Variants in SRSF9 observed in about 807,000 individuals in gnomAD.
The protein encoded by SRSF9 is serine and arginine rich splicing factor 9.
In SRSF9, 3 loss-of-function variants were observed where a neutral mutation model predicts 25.9. The observed-to-expected ratio is 0.12, with a 90% CI of 0.05 to 0.30. The LOEUF (loss-of-function observed/expected upper bound fraction) is 0.30, where lower values mean the gene tolerates loss of function less well. Ranked by LOEUF, SRSF9 falls within the 10% of genes least tolerant of loss-of-function variation. The pLI is 1.00. For synonymous variants in SRSF9, 114 were observed against 113.2 expected (o/e 1.01, Z -0.05); for missense variants, 161 against 303.5 (o/e 0.53, Z 3.49).
At position 120,469,696 on chromosome 12, in the gene SRSF9, T is replaced by G. The variant is rs562246067; in HGVS notation, c.-87A>C. On this transcript the variant is annotated 5_prime_UTR_variant, in exon 1 of 4. Coordinates refer to ENST00000229390, the MANE Select transcript of SRSF9 (RefSeq NM_003769.3). ...GTCCCCCCGCAGCGTCCCCGCGGGC[T>G]CCGAGGCGCTCAGCCGCACTGCATT... is the stretch of plus-strand genomic sequence containing the variant. 1.1e-5 allele frequency: 9 copies of G among 856,422 alleles called. No homozygotes were observed. The highest frequency in any genetic ancestry group is 1.8e-5 in the African/African-American group (1 of 55,618). 53.1% of individuals were successfully genotyped at this position (856,422 alleles called of 1,614,324 possible).
chr12:120,465,784 A>C lies in SRSF9; in HGVS notation c.192T>G (p.Asp64Glu). The change falls in exon 2 of 4, where the codon GAT becomes GAG. Residue 64 changes from aspartate to glutamate, a missense_variant. Physicochemically the swap from Asp to Glu is conservative, Grantham distance 45 (BLOSUM62 2). This residue lies in a region of SRSF9 where 99 missense variants were observed against 156.7 expected (regional missense o/e 0.63). Coordinates refer to ENST00000229390, the MANE Select transcript of SRSF9 (RefSeq NM_003769.3). ...FAFVRFEDPR[D>E]AEDAIYGRNG... ...TTCTTCCATAAATAGCATCCTCTGC[A>C]TCTCTAAAAAAAACAACAACAACAA... 2 of 1,573,330 alleles carry C rather than the reference A, an allele frequency of 1.3e-6. No individual in the cohort carries two copies. Among genetic ancestry groups the C allele is most frequent in the Non-Finnish European group, 1.7e-6 (2 of 1,168,054 alleles).
chr12:120,465,271 A>C (rs1196017796), intron 2 of SRSF9: 1 of 168,518 alleles, frequency 5.9e-6, no homozygotes, highest in African/African-American at 2.4e-5. Context: ...AGGCTGGGTA[A>C]GTTGTTCAAA....
At chr12:120,463,657 G>A (rs1045007258) in intron 3 of SRSF9, 15 of 235,688 alleles carry the variant, frequency 6.4e-5, no homozygotes, top group African/African-American at 1.4e-4. Context: ...TATGAAGACC[G>A]ACTGCACTAG....
intron 1 of SRSF9, 43 bp from the exon 2 acceptor site, chr12:120,465,830 G>A (rs1878470885): frequency 6.4e-7 from 1 of 1,550,564 alleles, no homozygotes; most frequent in Non-Finnish European, 8.6e-7. Flanking sequence ...TGGAGTTAGT[G>A]CTGTTCAGGA....
In SRSF9 at chr12:120,461,789, G is replaced by A. The variant is rs1878347284; in HGVS notation, c.*230C>T. The A allele has an allele frequency of 2.5e-6, 1 of 392,660 alleles. No individual in the cohort carries two copies. The highest frequency in any genetic ancestry group is 4.5e-5 in the East Asian group (1 of 22,116). 24.3% of individuals were successfully genotyped at this position (392,660 alleles called of 1,614,324 possible). On this transcript the variant is annotated 3_prime_UTR_variant, in exon 4 of 4. Transcript: ENST00000229390. Reference sequence around the variant, plus strand: ...GAACTGATTTTTTTCCCATAATCAGGGGTGAAAAATATACAACTTGTTTCT... The same window carrying A: ...GAACTGATTTTTTTCCCATAATCAGAGGTGAAAAATATACAACTTGTTTCT...
chr12:120,463,917 G>T (rs764266978), intron 3 of SRSF9, 33 bp downstream of exon 3: 58 of 1,574,202 alleles, frequency 3.7e-5, no homozygotes, highest in Non-Finnish European at 3.6e-5. Context: ...AGTGATTTGA[G>T]TACAAGCTCC....
rs1166941549 is a variant in SRSF9, at chr12:120,465,616, A to C, written c.349+11T>G. The C allele has an allele frequency of 6.4e-7, 1 of 1,570,928 alleles. No homozygotes were observed. The highest frequency in any genetic ancestry group is 8.6e-7 in the Non-Finnish European group (1 of 1,166,732). ...ACATGTATCATCTCATTCTGTTTGA[A>C]AGGAACATACCTGAAACAAGAACTC... On this transcript the variant is annotated intron_variant, in intron 2 of 3. Transcript: ENST00000229390.
chr12:120,465,685 G>A lies in SRSF9; in HGVS notation c.291C>T (p.Pro97=). Residue 97 remains proline (P), a synonymous_variant, in exon 2 of 4, where the codon CCC becomes CCT. Transcript: ENST00000229390. ...PRTYGGRGGW[P]RGGRNGPPTR... ...TAGGAGGCCCATTCCTCCCACCACGGGGCCACCCACCCCGACCTCCATAAG... is the reference window on the plus strand; with the variant it reads ...TAGGAGGCCCATTCCTCCCACCACGAGGCCACCCACCCCGACCTCCATAAG... 2 of 1,601,660 alleles carry A rather than the reference G, an allele frequency of 1.2e-6. No individual in the cohort carries two copies. Among genetic ancestry groups the A allele is most frequent in the Admixed American group, 1.8e-5 (1 of 56,500 alleles).
rs200681359 is a variant in SRSF9, at chr12:120,465,810, A to C, written c.189-23T>G. 79 of 1,566,404 alleles carry C rather than the reference A, an allele frequency of 5.0e-5. No homozygotes were observed. The Middle Eastern group carries it at 1.3e-3, about 27-fold the overall frequency. On this transcript the variant is annotated intron_variant, in intron 1 of 3. Coordinates refer to ENST00000229390, the MANE Select transcript of SRSF9 (RefSeq NM_003769.3). ...TCTCTAAAAAAAACAACAACAACAA[A>C]AAAAACGTTTGGAGTTAGTGCTGTT...
At chr12:120,465,524 C>T (rs890956400) in intron 2 of SRSF9, 103 bp downstream of exon 2, 3 of 1,291,446 alleles carry the variant, frequency 2.3e-6, no homozygotes, top group African/African-American at 1.6e-5. Context: ...AGAAAGCCCC[C>T]GTGTCCCATG....
At chr12:120,468,963 AC>A (rs1330471691) in intron 1 of SRSF9, among the ~76,000 whole-genome samples, 10 of 151,718 alleles carry the variant, frequency 6.6e-5, no homozygotes, top group South Asian at 2.1e-4. Flanking sequence ...AGATCCCTCC[AC>A]GACCTCCAGC....
intron 3 of SRSF9, chr12:120,462,513 A>G (rs1172348016): frequency 5.4e-6 from 1 of 183,740 alleles, no homozygotes; most frequent in Non-Finnish European, 1.1e-5. Context: ...CAGGGGTCAT[A>G]TAGTTTAATC....
chr12:120,464,022 G>T lies in SRSF9; in HGVS notation c.450C>A (p.Val150=). 6.2e-7 allele frequency: 1 copy of T among 1,614,012 alleles called. No individual in the cohort carries two copies. The highest frequency in any genetic ancestry group is 2.2e-5 in the East Asian group (1 of 44,880). ...CCATGTCTTCTTTTCTGAGATACTC[G>T]ACCATCCCCACTCCATCCTTCTGCA... ...ADVQKDGVGM[V]EYLRKEDMEY... Residue 150 remains valine, a synonymous_variant, in exon 3 of 4, where the codon GTC becomes GTA. Coordinates refer to ENST00000229390, the MANE Select transcript of SRSF9 (RefSeq NM_003769.3).
rs1878588487 is a variant in SRSF9 at position 120,469,585 on chromosome 12, C to A, written c.25G>T (p.Gly9Cys). Residue 9 changes from glycine (G) to cysteine (C), a missense_variant, in exon 1 of 4, where the codon GGC (glycine) becomes TGC (cysteine). Gly to Cys is a radical substitution (Grantham distance 159). Coordinates refer to ENST00000229390, the MANE Select transcript of SRSF9 (RefSeq NM_003769.3). ...TAGATGCGCCCGTCGCCCTCGCCGC[C>A]GCGCTCGTCCGCCCAGCCCGACATC... The part of the protein sequence containing the change: MSGWADER[G>C]GEGDGRIYVG... The A allele has an allele frequency of 3.9e-6, 6 of 1,534,386 alleles. No individual in the cohort carries two copies. Among genetic ancestry groups the A allele is most frequent in the Non-Finnish European group, 5.2e-6 (6 of 1,144,288 alleles).
chr12:120,467,401 T>C (rs957151531), intron 1 of SRSF9, among the ~76,000 whole-genome samples: 1 of 152,118 alleles, frequency 6.6e-6, no homozygotes, highest in African/African-American at 2.4e-5. Flanking sequence ...CTCAGGAGGC[T>C]GAGGCACGAG....
In SRSF9 at chr12:120,465,710, G is replaced by A; in HGVS notation, c.266C>T (p.Thr89Ile). 1.2e-6 allele frequency: 2 copies of A among 1,606,960 alleles called. No homozygotes were observed. Among genetic ancestry groups the A allele is most frequent in the Non-Finnish European group, 1.7e-6 (2 of 1,177,674 alleles). The change falls in exon 2 of 4, where the codon ACT becomes ATT. Residue 89 changes from threonine (T) to isoleucine (I), a missense_variant. Coordinates refer to ENST00000229390, the MANE Select transcript of SRSF9 (RefSeq NM_003769.3). ...GGGCCACCCACCCCGACCTCCATAA[G>A]TCCTGGGGAACTCCACACGAAGCCG... ...QCRLRVEFPR[T>I]YGGRGGWPRG...
At position 120,469,498 on chromosome 12, in the gene SRSF9, C is replaced by A; in HGVS notation, c.112G>T (p.Gly38Cys). 1 of 1,602,528 alleles carries A rather than the reference C, an allele frequency of 6.2e-7. No individual in the cohort carries two copies. The highest frequency in any genetic ancestry group is 8.5e-7 in the Non-Finnish European group (1 of 1,175,726). Residue 38 changes from glycine (G) to cysteine (C), a missense_variant, in exon 1 of 4, where the codon GGC becomes TGC. Physicochemically the swap from Gly to Cys is radical, Grantham distance 159 (BLOSUM62 -3). Transcript: ENST00000229390. ...KDLEDLFYKY[G>C]RIREIELKNR... ...TTGAGCTCGATCTCGCGGATGCGGC[C>A]GTACTTGTAGAACAGGTCCTCCAAG...
chr12:120,469,538 G>A lies in SRSF9; in HGVS notation c.72C>T (p.Asp24=), dbSNP rs1425805928. The change falls in exon 1 of 4, where the codon GAC becomes GAT. Residue 24 remains aspartate (D), a synonymous_variant. Coordinates refer to ENST00000229390, the MANE Select transcript of SRSF9 (RefSeq NM_003769.3). ...GGTCCTCCAAGTCCTTCTCGCGCAC[G>A]TCGGTCGGAAGGTTCCCCACGTAGA... ...GRIYVGNLPT[D]VREKDLEDLF... The A allele has an allele frequency of 6.3e-6, 10 of 1,590,084 alleles. No homozygotes were observed. Among genetic ancestry groups the A allele is most frequent in the African/African-American group, 1.4e-5 (1 of 72,344 alleles).
At position 120,461,793 on chromosome 12, in the gene SRSF9, G is replaced by GA. The variant is rs1488018862; in HGVS notation, c.*225dup. 2.4e-6 allele frequency: 1 copy of GA among 415,314 alleles called. No homozygotes were observed. Among genetic ancestry groups the GA allele is most frequent in the African/African-American group, 2.1e-5 (1 of 48,262 alleles). The allele number at this position is 415,314 out of a possible 1,614,324, so 25.7% of individuals were successfully genotyped here. A position where few individuals can be genotyped will look rare whatever the true frequency, so the allele number is the denominator to read the frequency against. Reference sequence around the variant, plus strand: ...TGATTTTTTTCCCATAATCAGGGGTGAAAAATATACAACTTGTTTCTGAAC... The same window carrying GA: ...TGATTTTTTTCCCATAATCAGGGGTGAAAAAATATACAACTTGTTTCTGAAC... On this transcript the variant is annotated 3_prime_UTR_variant, in exon 4 of 4. Transcript: ENST00000229390.
Sources: allele counts gnomAD v4.1 joint callset (sites outside exome capture counted in the v4.1 genomes callset), GRCh38; gene constraint gnomAD v4.1.1; regional missense constraint gnomAD v4.1.1; transcripts MANE v1.5; gene names NCBI Gene and HGNC (gene_info 2026-07-23, HGNC 2026-07-21).